PLXDC1: variants seen among roughly 807,000 people sequenced by gnomAD.
The protein encoded by PLXDC1 is plexin domain containing 1.
PLXDC1 carries 39 observed loss-of-function variants against 61.3 expected under a neutral mutation model. The ratio of observed to expected loss-of-function variants is 0.64; its 90% CI spans 0.49 to 0.83. PLXDC1 has a LOEUF of 0.83. Among genes scored for constraint, PLXDC1 ranks in the 40% least tolerant of loss-of-function variants. The pLI, the probability that PLXDC1 is intolerant of heterozygous loss-of-function variation, is 0.00. For missense variants in PLXDC1, 596 were observed against 666.5 expected (o/e 0.89, Z 1.17); for synonymous variants, 212 against 254.5 (o/e 0.83, Z 1.59).
intron 2 of PLXDC1, among the ~76,000 whole-genome samples, chr17:39,109,640 G>A (rs969068670): frequency 6.6e-6 from 1 of 152,186 alleles, no homozygotes; most frequent in Admixed American, 6.5e-5. Context: ...CACGCCTGCT[G>A]CCCTCATGCT....
At chr17:39,080,444 G>A (rs72821588) in intron 9 of PLXDC1, 22,171 of 152,218 alleles carry the variant, frequency 0.15, 2,006 homozygotes, top group Middle Eastern at 0.22. Flanking sequence ...GGCATCTGCC[G>A]TGAGAGACGA....
intron 2 of PLXDC1, chr17:39,112,857 C>G (rs1270162351): frequency 6.6e-6 from 1 of 152,138 alleles, no homozygotes; most frequent in Non-Finnish European, 1.5e-5. Context: ...GAGGGGAAAA[C>G]GAGTGGCCCA....
rs568622172 is a variant in PLXDC1 at position 39,086,280 on chromosome 17, TCTAAAGTGTCCCAGCCCTGTGACCC to T, written c.907+1302_907+1326del. Among the ~76,000 whole-genome samples, 614 of 152,192 alleles carry T rather than the reference TCTAAAGTGTCCCAGCCCTGTGACCC, an allele frequency of 4.0e-3. 2 individuals carry two copies. Among genetic ancestry groups the T allele is most frequent in the African/African-American group, 0.014 (585 of 41,524 alleles). On this transcript the variant is annotated intron_variant, in intron 8 of 13. Coordinates refer to ENST00000315392, the MANE Select transcript of PLXDC1 (RefSeq NM_020405.5). ...ATAGGGTTGGGGTATGGCTGTGACCTCTAAAGTGTCCCAGCCCTGTGACCCCTAAAGTGTCCCAGCCCTGTGACCC... is the reference window on the plus strand; with the variant it reads ...ATAGGGTTGGGGTATGGCTGTGACCTCTAAAGTGTCCCAGCCCTGTGACCC...
chr17:39,079,463 C>T, intron 9 of PLXDC1: 1 of 505,368 alleles, frequency 2.0e-6, no homozygotes, highest in South Asian at 1.5e-5. Flanking sequence ...TGACTCTGAG[C>T]TGCCGTGACA....
intron 2 of PLXDC1, among the ~76,000 whole-genome samples, chr17:39,139,292 G>A (rs1460354447): frequency 6.6e-6 from 1 of 152,182 alleles, no homozygotes; most frequent in Admixed American, 6.5e-5. Context: ...GGTGGGGAAG[G>A]GCCCCATCTG....
intron 7 of PLXDC1, among the ~76,000 whole-genome samples, chr17:39,090,064 G>T (rs983609002): frequency 2.6e-5 from 4 of 152,132 alleles, no homozygotes; most frequent in Non-Finnish European, 5.9e-5. Context: ...CCCCCAAAAT[G>T]CTGGGATTAC....
chr17:39,095,389 A>ACCCCCC (rs1567759313), intron 7 of PLXDC1, among the ~76,000 whole-genome samples: 213 of 5,504 alleles, frequency 0.039, 12 homozygotes, highest in Non-Finnish European at 0.049. Flanking sequence ...CAACCCCCCA[A>ACCCCCC]GCCTGGGTTA....
chr17:39,094,196 G>A (rs1910059417), intron 7 of PLXDC1, among the ~76,000 whole-genome samples: 1 of 152,072 alleles, frequency 6.6e-6, no homozygotes, highest in African/African-American at 2.4e-5. Context: ...AGTAAGCCTG[G>A]GGGCCTGGGA....
intron 10 of PLXDC1, 109 bp from the exon 11 acceptor site, chr17:39,078,157 TC>T: frequency 2.6e-6 from 3 of 1,133,518 alleles, no homozygotes; most frequent in Non-Finnish European, 3.7e-6. Context: ...TTCAAATCCT[TC>T]CTCAAGGAAG....
Position 39,102,425 on chromosome 17 carries a change from G to A in PLXDC1, c.811+3429C>T, listed in dbSNP as rs116157284. ...AGCTATCAAAATTGTAAATGCCCCT[G>A]CCCTTTGACCCAATGATTGGACCAC... is the stretch of plus-strand genomic sequence containing the variant. On this transcript the variant is annotated intron_variant, in intron 7 of 13. Transcript: ENST00000315392. Among the ~76,000 whole-genome samples, 1,278 of 152,174 alleles carry A rather than the reference G, an allele frequency of 8.4e-3. 12 individuals are homozygous for A. Among genetic ancestry groups the A allele is most frequent in the African/African-American group, 0.024 (996 of 41,516 alleles).
At chr17:39,149,606 C>T (rs1296028862) in intron 1 of PLXDC1, among the ~76,000 whole-genome samples, 1 of 152,210 alleles carries the variant, frequency 6.6e-6, no homozygotes, top group Non-Finnish European at 1.5e-5. Flanking sequence ...GACAGGATAG[C>T]CTCTACTTAG....
At chr17:39,111,373 C>T (rs1321195164) in intron 2 of PLXDC1, among the ~76,000 whole-genome samples, 2 of 152,216 alleles carry the variant, frequency 1.3e-5, no homozygotes, top group Middle Eastern at 3.2e-3. Context: ...CAACCTCCGT[C>T]TCCCGGGTTC....
At chr17:39,136,852 C>G (rs1170785192) in intron 2 of PLXDC1, among the ~76,000 whole-genome samples, 8 of 151,992 alleles carry the variant, frequency 5.3e-5, no homozygotes, top group Non-Finnish European at 2.9e-5. Flanking sequence ...GAAAGAAGAA[C>G]AACAAGCACA....
In PLXDC1 at chr17:39,125,027, G is replaced by A. The variant is rs527841995; in HGVS notation, c.255+14627C>T. On this transcript the variant is annotated intron_variant, in intron 2 of 13. Coordinates refer to ENST00000315392, the MANE Select transcript of PLXDC1 (RefSeq NM_020405.5). ...AGCCAGGGTCTCACCCTATCAGCCA[G>A]GCTGGTCTCAAACTCCTGGGCTCAA... 2.6e-5 allele frequency among the ~76,000 whole-genome samples: 4 copies of A among 152,284 alleles called. No individual in the cohort carries two copies. The South Asian group carries it at 8.3e-4, about 32-fold the overall frequency.
intron 2 of PLXDC1, among the ~76,000 whole-genome samples, chr17:39,134,195 G>A (rs1246844348): frequency 1.3e-5 from 2 of 151,298 alleles, no homozygotes; most frequent in African/African-American, 2.4e-5. Flanking sequence ...CGGAGCTTGC[G>A]GTGAACCGAG....
chr17:39,095,369 C>T (rs4997119), intron 7 of PLXDC1, among the ~76,000 whole-genome samples: 42,120 of 54,372 alleles, frequency 0.77, 17,565 homozygotes, highest in Admixed American at 0.8. Context: ...TACGCCCCGC[C>T]CCCCCCCCCC....
In PLXDC1 at chr17:39,078,002, G is replaced by T; in HGVS notation, c.1097C>A (p.Ser366Ter). 6.2e-7 allele frequency: 1 copy of T among 1,613,398 alleles called. No individual in the cohort carries two copies. The highest frequency in any genetic ancestry group is 8.5e-7 in the Non-Finnish European group (1 of 1,179,570). ...GCTGAAGGAAGTGTCAGGGGAGGCT[G>T]AGTCGTGGTCCTCATCCTGGAAGTC... is the stretch of plus-strand genomic sequence containing the variant. The part of the protein sequence containing the change: ...CEDFQDEDHD[S>*]ASPDTSFSPY... Residue 366 changes from serine to a stop codon, truncating the protein, a stop_gained, in exon 11 of 14, where the codon TCA becomes TAA. Transcript: ENST00000315392. LOFTEE classifies it high-confidence loss of function.
intron 7 of PLXDC1, among the ~76,000 whole-genome samples, chr17:39,098,154 G>C (rs1281167196): frequency 6.9e-6 from 1 of 145,406 alleles, no homozygotes; most frequent in Non-Finnish European, 1.5e-5. Context: ...GCAGTGAGCC[G>C]AGATTGCGCC....
At chr17:39,148,222 T>G (rs865786868) in intron 1 of PLXDC1, among the ~76,000 whole-genome samples, 1 of 151,866 alleles carries the variant, frequency 6.6e-6, no homozygotes, top group Non-Finnish European at 1.5e-5. Context: ...CTCCTTTTTT[T>G]AAAAAAAGAT....
Sources: allele counts gnomAD v4.1 joint callset (sites outside exome capture counted in the v4.1 genomes callset), GRCh38; gene constraint gnomAD v4.1.1; transcripts MANE v1.5; gene names NCBI Gene and HGNC (gene_info 2026-07-23, HGNC 2026-07-21).